PAG1: variants seen among roughly 807,000 people sequenced by gnomAD.
PAG1 encodes the protein phosphoprotein associated with glycosphingolipid-enriched microdomains 1.
In PAG1, 23 loss-of-function variants were observed where a neutral mutation model predicts 31.7. The ratio of observed to expected loss-of-function variants is 0.73; its 90% CI spans 0.52 to 1.03. PAG1 has a LOEUF of 1.03. Ranked by LOEUF, PAG1 falls within the 50% of genes least tolerant of loss-of-function variation. The pLI, the probability that PAG1 is intolerant of heterozygous loss-of-function variation, is 0.00. For missense variants in PAG1, 473 were observed against 540.7 expected, an observed-to-expected ratio of 0.87 and a Z score of 1.24; for synonymous variants, 214 against 210.3, an observed-to-expected ratio of 1.02 and a Z score of -0.15.
intron 3 of PAG1, among the ~76,000 whole-genome samples, chr8:81,024,399 G>A (rs899868232): frequency 5.9e-5 from 9 of 152,148 alleles, no homozygotes; most frequent in Non-Finnish European, 1.0e-4. Context: ...CCTGGCACAC[G>A]GCCCCTCCAG....
chr8:81,060,616 C>T (rs973262730), intron 2 of PAG1, among the ~76,000 whole-genome samples: 10 of 152,056 alleles, frequency 6.6e-5, no homozygotes, highest in African/African-American at 2.4e-4. Flanking sequence ...TTGATATATC[C>T]CCCTGCTAAT....
intron 1 of PAG1, among the ~76,000 whole-genome samples, chr8:81,083,807 G>A (rs921927147): frequency 5.3e-5 from 8 of 152,038 alleles, no homozygotes; most frequent in African/African-American, 1.9e-4. Context: ...GGCTGAGGCG[G>A]GTAGATCACT....
chr8:81,062,325 T>A (rs1338601898), intron 2 of PAG1, among the ~76,000 whole-genome samples: 1 of 152,230 alleles, frequency 6.6e-6, no homozygotes, highest in East Asian at 1.9e-4. Context: ...ACATAACCTG[T>A]TTGGCCTAAT....
intron 3 of PAG1, among the ~76,000 whole-genome samples, chr8:80,993,718 AC>A (rs756485326): frequency 4.2e-5 from 6 of 143,284 alleles, no homozygotes; most frequent in African/African-American, 1.6e-4. Context: ...CTCCTGAACC[AC>A]CCCCCTGCCC....
chr8:80,988,352 G>T (rs565992553), intron 5 of PAG1, among the ~76,000 whole-genome samples: 4 of 152,340 alleles, frequency 2.6e-5, no homozygotes, highest in African/African-American at 7.2e-5. Flanking sequence ...GTCAGAGATA[G>T]ATAAGGCTAT....
chr8:80,993,030 T>C (rs2130508278), intron 4 of PAG1, 73 bp downstream of exon 4: 1 of 1,374,406 alleles, frequency 7.3e-7, no homozygotes, highest in East Asian at 2.5e-5. Flanking sequence ...CCTAACAGGC[T>C]TTCCACAGAA....
At chr8:81,066,882 T>G (rs1286676548) in intron 2 of PAG1, among the ~76,000 whole-genome samples, 1 of 152,170 alleles carries the variant, frequency 6.6e-6, no homozygotes, top group Non-Finnish European at 1.5e-5. Context: ...AGTATGAGGC[T>G]GGGCATGGTG....
intron 3 of PAG1, among the ~76,000 whole-genome samples, chr8:80,999,653 C>T (rs953717499): frequency 2.6e-5 from 4 of 152,204 alleles, no homozygotes; most frequent in African/African-American, 9.7e-5. Flanking sequence ...TATCGATCTG[C>T]ACAGAAAACA....
chr8:81,006,211 G>C (rs1437831588), intron 3 of PAG1, among the ~76,000 whole-genome samples: 2 of 152,174 alleles, frequency 1.3e-5, no homozygotes, highest in African/African-American at 4.8e-5. Context: ...CCAAAGTGCT[G>C]GGATTACAGG....
chr8:80,986,098 A>G (rs1807413869), intron 6 of PAG1, among the ~76,000 whole-genome samples: 1 of 152,224 alleles, frequency 6.6e-6, no homozygotes, highest in African/African-American at 2.4e-5. Context: ...ACATCATTCA[A>G]TGAAACAGAA....
At chr8:81,085,974 T>C (rs998274496) in intron 1 of PAG1, among the ~76,000 whole-genome samples, 1 of 104,656 alleles carries the variant, frequency 9.6e-6, no homozygotes, top group South Asian at 3.1e-4. Context: ...TCTGGCTTGT[T>C]TTTTTTTTTT....
chr8:81,014,105 C>T (rs1359012793), intron 3 of PAG1, among the ~76,000 whole-genome samples: 1 of 152,140 alleles, frequency 6.6e-6, no homozygotes. Flanking sequence ...TTGTACATAA[C>T]TTCTAGTTTG....
Position 81,092,952 on chromosome 8 carries a change from A to T in PAG1, c.-234+18639T>A, listed in dbSNP as rs115307060. ...ACCTTCTTAGCTGCATGATATAGGC[A>T]AGTCACACCACCACTTCAACTAGAT... On this transcript the variant is annotated intron_variant, in intron 1 of 8. Coordinates refer to ENST00000220597, the MANE Select transcript of PAG1 (RefSeq NM_018440.4). Among the ~76,000 whole-genome samples the T allele has an allele frequency of 9.9e-4, 151 of 152,352 alleles. 2 individuals are homozygous for T. Among genetic ancestry groups the T allele is most frequent in the African/African-American group, 3.2e-3 (133 of 41,572 alleles).
chr8:81,041,572 G>A (rs953963957), intron 2 of PAG1, among the ~76,000 whole-genome samples: 3 of 152,142 alleles, frequency 2.0e-5, no homozygotes, highest in African/African-American at 7.2e-5. Context: ...GAGGAAAGCT[G>A]CAGTTGTGCA....
intron 3 of PAG1, among the ~76,000 whole-genome samples, chr8:81,007,637 AAAAAAAAAAAAAAAAAAAAAAAAGAACTT>A (rs1807909506): frequency 3.0e-5 from 1 of 33,218 alleles, no homozygotes; most frequent in South Asian, 6.3e-4. Flanking sequence ...ACTCTGTCTC[AAAAAAAAAAAAAAAAAAAAAAAAGAACTT>A]AAAAAATAAA....
intron 7 of PAG1, among the ~76,000 whole-genome samples, chr8:80,981,862 C>CTTTT (rs57438015): frequency 6.1e-4 from 63 of 103,420 alleles, no homozygotes; most frequent in African/African-American, 2.0e-3. Context: ...ATCTCACTTC[C>CTTTT]TTTTTTTTTT....
Position 81,016,047 on chromosome 8 carries a change from G to A in PAG1, c.-81+13949C>T, listed in dbSNP as rs1357353466. 3.3e-5 allele frequency among the ~76,000 whole-genome samples: 5 copies of A among 152,288 alleles called. 1 individual carries two copies. In the East Asian group the frequency reaches 9.6e-4, roughly 29 times the overall value. ...ATGATGAGAAGGTGGTCATCCAGTT[G>A]TCCTTATTGTTCCCCCAGTAGCCAG... On this transcript the variant is annotated intron_variant, in intron 3 of 8. Coordinates refer to ENST00000220597, the MANE Select transcript of PAG1 (RefSeq NM_018440.4).
At chr8:81,016,011 T>A (rs915478596) in intron 3 of PAG1, among the ~76,000 whole-genome samples, 1 of 152,208 alleles carries the variant, frequency 6.6e-6, no homozygotes, top group Non-Finnish European at 1.5e-5. Context: ...AAGCCCACAC[T>A]AGCCTGCTGG....
At chr8:81,069,013 TAGG>T (rs1809052697) in intron 2 of PAG1, among the ~76,000 whole-genome samples, 1 of 152,172 alleles carries the variant, frequency 6.6e-6, no homozygotes, top group Non-Finnish European at 1.5e-5. Context: ...TGTCAAATAT[TAGG>T]AGATCAGAGG....
Sources: allele counts gnomAD v4.1 joint callset (sites outside exome capture counted in the v4.1 genomes callset), GRCh38; gene constraint gnomAD v4.1.1; transcripts MANE v1.5; gene names NCBI Gene and HGNC (gene_info 2026-07-23, HGNC 2026-07-21).